RBM45: variants seen among roughly 807,000 people sequenced by gnomAD.
The protein encoded by RBM45 is RNA binding motif protein 45, also known as RNA-binding protein 45.
RBM45 carries 39 observed loss-of-function variants against 58.5 expected under a neutral mutation model. That is an observed-to-expected ratio of 0.67 (90% CI 0.52 to 0.87). The LOEUF (loss-of-function observed/expected upper bound fraction) is 0.87, where lower values mean the gene tolerates loss of function less well. Among genes scored for constraint, RBM45 ranks in the 40% least tolerant of loss-of-function variants. RBM45 has a pLI of 0.00. For synonymous variants in RBM45, 193 were observed against 203.0 expected (o/e 0.95, Z 0.42); for missense variants, 481 against 581.6 (o/e 0.83, Z 1.78).
chr2:178,128,022 T>TTA (rs1553511966), intron 9 of RBM45, among the ~76,000 whole-genome samples: 3 of 144,086 alleles, frequency 2.1e-5, no homozygotes, highest in Admixed American at 1.4e-4. Flanking sequence ...TTTTTTTTTT[T>TTA]AAACACAGAA....
chr2:178,117,938 A>G (rs535764908), intron 2 of RBM45, 117 bp from the exon 3 acceptor site: 426 of 706,070 alleles, frequency 6.0e-4, no homozygotes, highest in Non-Finnish European at 6.9e-4. Context: ...TGCATATTTT[A>G]TACTGCCTAT....
chr2:178,117,955 G>C, intron 2 of RBM45, 100 bp from the exon 3 acceptor site: 1 of 868,612 alleles, frequency 1.2e-6, no homozygotes, highest in East Asian at 2.7e-5. Context: ...CTATTTCTTT[G>C]TTTGCATGCA....
chr2:178,113,239 C>T (rs1474707320), intron 1 of RBM45, among the ~76,000 whole-genome samples: 5 of 152,134 alleles, frequency 3.3e-5, no homozygotes, highest in Non-Finnish European at 7.3e-5. Flanking sequence ...CCCAGATTTC[C>T]ATATATAAAA....
chr2:178,137,797 A>G (rs544329749), exon 4 of RBM45: 49 of 152,288 alleles, frequency 3.2e-4, no homozygotes, highest in African/African-American at 1.2e-3. Context: ...TACTTCAATT[A>G]AAGTTTTTCT....
chr2:178,138,954 A>G (rs1217430310), exon 4 of RBM45: 2 of 151,928 alleles, frequency 1.3e-5, no homozygotes, highest in Non-Finnish European at 2.9e-5. Flanking sequence ...AATTAAATGT[A>G]AGATTAAGAA....
At position 178,125,977 on chromosome 2, in the gene RBM45, G is replaced by A; in HGVS notation, c.1233-7G>A. 1 of 1,608,596 alleles carries A rather than the reference G, an allele frequency of 6.2e-7. No individual in the cohort carries two copies. The highest frequency in any genetic ancestry group is 8.5e-7 in the Non-Finnish European group (1 of 1,176,870). On this transcript the variant is annotated splice_polypyrimidine_tract_variant and splice_region_variant and intron_variant, in intron 8 of 9. Transcript: ENST00000286070. ...TTTGGTTGATTATTTTTTTCACTTT[G>A]TTTCAGTCGTTTTGGTAACCTGATC...
At chr2:178,124,688 C>T (rs767339077) in intron 8 of RBM45, among the ~76,000 whole-genome samples, 2 of 152,128 alleles carry the variant, frequency 1.3e-5, no homozygotes, top group Non-Finnish European at 2.9e-5. Context: ...GTGGTACATG[C>T]CTGTGGTCGC....
At chr2:178,130,157 A>G (rs2087991884), downstream of RBM45, among the ~76,000 whole-genome samples, 1 of 152,350 alleles carries the variant, frequency 6.6e-6, no homozygotes, top group Non-Finnish European at 1.5e-5. Context: ...GGCCACTCCA[A>G]AAATATGACA....
chr2:178,131,130 A>C (rs78945779), downstream of RBM45, among the ~76,000 whole-genome samples: 1 of 152,308 alleles, frequency 6.6e-6, no homozygotes, highest in Middle Eastern at 3.4e-3. Flanking sequence ...AGCAATGAAA[A>C]ACCTAAACAA....
intron 5 of RBM45, among the ~76,000 whole-genome samples, chr2:178,122,671 G>A (rs538740160): frequency 6.6e-6 from 1 of 152,034 alleles, no homozygotes; most frequent in South Asian, 2.1e-4. Flanking sequence ...TCTCTGGTTG[G>A]ATGTGTCTGA....
Position 178,112,446 on chromosome 2 carries a change from G to A in RBM45, c.-101G>A. On this transcript the variant is annotated 5_prime_UTR_variant, in exon 1 of 10. Transcript: ENST00000286070. Reference sequence around the variant, plus strand: ...CGCCGGACTCCTCTTTCTCCCGGAAGCGGAGCACCGAGCCGGCAAAGGCTT... The same window carrying A: ...CGCCGGACTCCTCTTTCTCCCGGAAACGGAGCACCGAGCCGGCAAAGGCTT... The A allele has an allele frequency of 3.4e-6, 4 of 1,169,736 alleles. No individual in the cohort carries two copies. The South Asian group carries it at 5.9e-5, about 17-fold the overall frequency. 72.5% of individuals were successfully genotyped at this position (1,169,736 alleles called of 1,614,324 possible). A position where few individuals can be genotyped will look rare whatever the true frequency, so the allele number is the denominator to read the frequency against.
chr2:178,114,626 TCACC>T, intron 1 of RBM45, among the ~76,000 whole-genome samples: 1 of 152,162 alleles, frequency 6.6e-6, no homozygotes, highest in Non-Finnish European at 1.5e-5. Context: ...TCTCACTCTG[TCACC>T]CAGGCTAGAG....
At chr2:178,131,447 C>T (rs144971398), downstream of RBM45, among the ~76,000 whole-genome samples, 720 of 152,288 alleles carry the variant, frequency 4.7e-3, 3 homozygotes, top group Non-Finnish European at 8.5e-3. Context: ...GAGTATTTCA[C>T]TGGGCTTTCT....
chr2:178,126,968 G>A (rs910991093), intron 9 of RBM45, among the ~76,000 whole-genome samples: 3 of 151,594 alleles, frequency 2.0e-5, no homozygotes, highest in Non-Finnish European at 2.9e-5. Flanking sequence ...GAGACGTCTC[G>A]GTCTGTCACC....
chr2:178,132,436 T>G (rs1005205182), downstream of RBM45, among the ~76,000 whole-genome samples: 4 of 152,234 alleles, frequency 2.6e-5, no homozygotes, highest in Admixed American at 1.3e-4. Flanking sequence ...CTATTCAGTA[T>G]GAATGAATCC....
rs1308992803 is a variant in RBM45 at position 178,124,256 on chromosome 2, C to A, written c.1198C>A (p.Pro400Thr). 3 of 1,588,380 alleles carry A rather than the reference C, an allele frequency of 1.9e-6. No homozygotes were observed. Among genetic ancestry groups the A allele is most frequent in the Non-Finnish European group, 2.6e-6 (3 of 1,166,890 alleles). The change falls in exon 8 of 10, where the codon CCT becomes ACT. Residue 400 changes from proline to threonine, a missense_variant. By Grantham distance (38) the Pro-to-Thr change is conservative. Coordinates refer to ENST00000286070, the MANE Select transcript of RBM45 (RefSeq NM_152945.4). ...ERLFIVFNPH[P>T]LPLDVLEDIF... ...ACTTTTTATTGTGTTTAATCCTCAT[C>A]CTTTACCTTTAGACGTATTAGAAGA...
chr2:178,124,049 A>G lies in RBM45; in HGVS notation c.1069-78A>G, dbSNP rs774336801. The stretch of plus-strand genomic sequence containing the variant: ...TGGAAGACCACATAGATGCCATGAT[A>G]CATATCTGTCTTTAGCTCTTGGCCA... On this transcript the variant is annotated intron_variant, in intron 7 of 9. Coordinates refer to ENST00000286070, the MANE Select transcript of RBM45 (RefSeq NM_152945.4). 780 of 1,496,300 alleles carry G rather than the reference A, an allele frequency of 5.2e-4. 2 individuals are homozygous for G. The highest frequency in any genetic ancestry group is 6.3e-4 in the Non-Finnish European group (694 of 1,095,744). The allele number at this position is 1,496,300 out of a possible 1,614,324, so 92.7% of individuals were successfully genotyped here.
chr2:178,121,414 A>C, intron 5 of RBM45, 55 bp downstream of exon 5: 1 of 645,770 alleles, frequency 1.5e-6, no homozygotes. Context: ...ACACACACAC[A>C]CACACACACA....
chr2:178,118,144 A>G lies in RBM45; in HGVS notation c.513A>G (p.Pro171=). The G allele has an allele frequency of 1.9e-6, 3 of 1,612,772 alleles. No individual in the cohort carries two copies. Among genetic ancestry groups the G allele is most frequent in the Non-Finnish European group, 2.5e-6 (3 of 1,179,156 alleles). ...KGLGYVRYLK[P]SQAAQAIENC... ...TGGGCTACGTACGATACTTAAAACC[A>G]TCACAAGCTGCCCAAGCAATAGAAA... Residue 171 remains proline (P), a synonymous_variant, in exon 3 of 10, where the codon CCA becomes CCG. Transcript: ENST00000286070.
Sources: allele counts gnomAD v4.1 joint callset (sites outside exome capture counted in the v4.1 genomes callset), GRCh38; gene constraint gnomAD v4.1.1; transcripts MANE v1.5; gene names NCBI Gene and HGNC (gene_info 2026-07-23, HGNC 2026-07-21).